The following SMARCA1 variants were observed in gnomAD, a reference collection of about 807,000 sequenced individuals.
SMARCA1 encodes the protein SWI/SNF-related matrix-associated actin-dependent regulator of chromatin subfamily A member 1.
SMARCA1 carries 17 observed loss-of-function variants against 93.6 expected under a neutral mutation model. The ratio of observed to expected loss-of-function variants is 0.18; its 90% CI spans 0.12 to 0.27. SMARCA1 has a LOEUF of 0.27. SMARCA1 is among the 10% of genes least tolerant of loss of function. SMARCA1 has a pLI of 1.00. For synonymous variants in SMARCA1, 271 were observed against 271.4 expected, an observed-to-expected ratio of 1.00 and a Z score of 0.01; for missense variants, 630 against 819.0, an observed-to-expected ratio of 0.77 and a Z score of 2.82.
rs1343707617 is a variant in SMARCA1 at position 129,506,198 on chromosome X, A to C, written c.980T>G (p.Val327Gly). ...GCGGTTAGTCGACTTGAACTCACGA[A>C]CAATCTCTGAAAGCTAGAAAATAAT... ...KNEKSKLSEI[V>G]REFKSTNRLL... Residue 327 changes from valine (V) to glycine (G), a missense_variant, in exon 8 of 25, where the codon GTT becomes GGT. Transcript: ENST00000371121. The C allele has an allele frequency of 8.4e-7, 1 of 1,186,045 alleles. No homozygotes were observed. Among genetic ancestry groups the C allele is most frequent in the African/African-American group, 1.8e-5 (1 of 56,673 alleles).
chrX:129,480,844 CT>C, intron 18 of SMARCA1, 30 bp from the exon 19 acceptor site: 1 of 901,734 alleles, frequency 1.1e-6, no homozygotes, highest in Non-Finnish European at 1.6e-6. Context: ...ATTATATATA[CT>C]TCTTTTCAGT....
At chrX:129,454,577 T>G (rs762903973) in intron 23 of SMARCA1, among the ~76,000 whole-genome samples, 1 of 111,610 alleles carries the variant, frequency 9.0e-6, no homozygotes, top group East Asian at 2.8e-4. Flanking sequence ...ATCTACAACT[T>G]AAACAAATTT....
chrX:129,501,256 C>T (rs1463788959), intron 9 of SMARCA1, among the ~76,000 whole-genome samples: 1 of 110,290 alleles, frequency 9.1e-6, no homozygotes, highest in Non-Finnish European at 1.9e-5. Flanking sequence ...ATTTCCTCAT[C>T]GGTTCATCCA....
chrX:129,456,245 G>A (rs1932616738), intron 23 of SMARCA1, among the ~76,000 whole-genome samples: 1 of 111,613 alleles, frequency 9.0e-6, no homozygotes, highest in Admixed American at 9.6e-5. Flanking sequence ...TTTATAGTAT[G>A]AAGTATTTAT....
intron 19 of SMARCA1, among the ~76,000 whole-genome samples, chrX:129,476,124 G>A (rs3829718): frequency 0.093 from 10,388 of 111,452 alleles, 429 homozygotes; most frequent in East Asian, 0.33. Context: ...CAATTAAGTC[G>A]TCCTCTTCCA....
intron 23 of SMARCA1, among the ~76,000 whole-genome samples, chrX:129,465,057 A>T (rs1018668655): frequency 1.8e-5 from 2 of 111,000 alleles, no homozygotes; most frequent in African/African-American, 3.3e-5. Context: ...CATCAATTTT[A>T]AAAAAAACAG....
intron 2 of SMARCA1, among the ~76,000 whole-genome samples, 197 bp downstream of exon 2, chrX:129,518,164 T>C (rs1191371135): frequency 1.8e-5 from 2 of 111,805 alleles, no homozygotes; most frequent in African/African-American, 6.5e-5. Context: ...CCTGATCCTT[T>C]ATTTCCTCAT....
chrX:129,519,053 G>C (rs1935301120), intron 1 of SMARCA1, among the ~76,000 whole-genome samples: 1 of 111,770 alleles, frequency 8.9e-6, no homozygotes, highest in Non-Finnish European at 1.9e-5. Context: ...CTCTAACTGG[G>C]AAGAAAACTA....
Position 129,461,078 on chromosome X carries a change from A to C in SMARCA1, c.3030+4442T>G, listed in dbSNP as rs1932798693. Among the ~76,000 whole-genome samples the C allele has an allele frequency of 6.3e-5, 7 of 111,764 alleles. No individual in the cohort carries two copies. The South Asian group carries it at 2.6e-3, about 42-fold the overall frequency. On this transcript the variant is annotated intron_variant, in intron 23 of 24. Coordinates refer to ENST00000371121, the MANE Select transcript of SMARCA1 (RefSeq NM_001282874.2). ...ACCACAGTATGTGATTCTCTTTCTG[A>C]GATGCTATCAGAAAAATGCATTGAA...
chrX:129,467,747 G>A (rs938434094), intron 21 of SMARCA1, among the ~76,000 whole-genome samples: 2 of 110,644 alleles, frequency 1.8e-5, no homozygotes, highest in Non-Finnish European at 3.8e-5. Context: ...TTAATCTTTA[G>A]TATATTTATT....
At chrX:129,462,191 A>G (rs1932817448) in intron 23 of SMARCA1, among the ~76,000 whole-genome samples, 1 of 112,372 alleles carries the variant, frequency 8.9e-6, no homozygotes, top group East Asian at 2.8e-4. Flanking sequence ...AGGTATCTTT[A>G]GTAAGCTAAG....
chrX:129,465,933 G>A lies in SMARCA1; in HGVS notation c.2728C>T (p.Gln910Ter). 8.8e-7 allele frequency: 1 copy of A among 1,141,827 alleles called. No individual in the cohort carries two copies. Among genetic ancestry groups the A allele is most frequent in the Non-Finnish European group, 1.2e-6 (1 of 848,967 alleles). 94.1% of individuals were successfully genotyped at this position (1,141,827 alleles called of 1,213,427 possible). A position where few individuals can be genotyped will look rare whatever the true frequency, so the allele number is the denominator to read the frequency against. ...TGAGCCATAATTTTCTCAATGTCCT[G>A]TAATTCATTGCAACGTTCCCAAAAT... ...AVFWERCNEL[Q>*]DIEKIMAQIE... Residue 910 changes from glutamine (Q) to a stop codon, truncating the protein, a stop_gained, in exon 22 of 25, where the codon CAG becomes TAG. Coordinates refer to ENST00000371121, the MANE Select transcript of SMARCA1 (RefSeq NM_001282874.2). LOFTEE classifies it high-confidence loss of function.
intron 23 of SMARCA1, among the ~76,000 whole-genome samples, chrX:129,452,628 T>C (rs1932364298): frequency 8.9e-6 from 1 of 112,270 alleles, no homozygotes; most frequent in Non-Finnish European, 1.9e-5. Flanking sequence ...ACGTCCCAAC[T>C]CTATCTGAAC....
intron 19 of SMARCA1, among the ~76,000 whole-genome samples, chrX:129,475,149 A>AT (rs200947687): frequency 0.088 from 9,048 of 102,781 alleles, 402 homozygotes; most frequent in East Asian, 0.35. Context: ...TAAGACATAC[A>AT]TTTTTTTTTT....
At chrX:129,460,602 GAA>G (rs1020759453) in intron 23 of SMARCA1, among the ~76,000 whole-genome samples, 1 of 107,638 alleles carries the variant, frequency 9.3e-6, no homozygotes, top group Admixed American at 9.9e-5. Flanking sequence ...AGTGAGCCAA[GAA>G]AAAAAAAATT....
intron 19 of SMARCA1, among the ~76,000 whole-genome samples, chrX:129,480,000 T>G (rs1001656113): frequency 6.3e-5 from 7 of 111,982 alleles, no homozygotes; most frequent in African/African-American, 2.3e-4. Context: ...ACCCGGCCAG[T>G]ATTTTATAAT....
In SMARCA1 at chrX:129,490,141, T is replaced by C; in HGVS notation, c.1867A>G (p.Ile623Val). ...QKKPVRVFRL[I>V]TDNTVEERIV... is the part of the protein sequence containing the mutation. The stretch of plus-strand genomic sequence containing the variant: ...CTCTCTTCAACAGTGTTGTCAGTGA[T>C]GAGACGGAATACACGTACTGGTTTC... The change falls in exon 15 of 25, where the codon ATC (isoleucine) becomes GTC (valine). Residue 623 changes from isoleucine to valine, a missense_variant. Ile to Val is a conservative substitution (Grantham distance 29). Around this residue, in one of 4 missense-constraint regions of SMARCA1, gnomAD observed 382 missense variants for 537.9 expected, o/e 0.71. Transcript: ENST00000371121. 8.4e-7 allele frequency: 1 copy of C among 1,187,930 alleles called. No individual in the cohort carries two copies. The highest frequency in any genetic ancestry group is 1.1e-6 in the Non-Finnish European group (1 of 873,951).
In SMARCA1 at chrX:129,465,646, T is replaced by C. The variant is rs150893981; in HGVS notation, c.2904A>G (p.Arg968=). 1.7e-4 allele frequency: 205 copies of C among 1,199,824 alleles called. No homozygotes were observed. The highest frequency in any genetic ancestry group is 2.2e-4 in the Non-Finnish European group (196 of 886,976). ...TTTTGTGTAACATACAAATCAAGAA[T>C]CTATCTTCTTCCTCAGTATAGTTCT... ...KGKNYTEEED[R]FLICMLHKMG... is the part of the protein sequence containing the mutation. Residue 968 remains arginine (R), a synonymous_variant, in exon 23 of 25, where the codon AGA becomes AGG. Coordinates refer to ENST00000371121, the MANE Select transcript of SMARCA1 (RefSeq NM_001282874.2).
chrX:129,478,140 T>C (rs1367623835), intron 19 of SMARCA1, among the ~76,000 whole-genome samples: 1 of 111,891 alleles, frequency 8.9e-6, no homozygotes, highest in African/African-American at 3.3e-5. Context: ...CCACATGAGA[T>C]ACCCATGTTA....
Sources: allele counts gnomAD v4.1 joint callset (sites outside exome capture counted in the v4.1 genomes callset), GRCh38; gene constraint gnomAD v4.1.1; regional missense constraint gnomAD v4.1.1; transcripts MANE v1.5; gene names NCBI Gene and HGNC (gene_info 2026-07-23, HGNC 2026-07-21).